SUGCT: variants seen among roughly 807,000 people sequenced by gnomAD.
SUGCT encodes the protein succinyl-CoA:glutarate-CoA transferase.
Under a neutral mutation model 55.0 loss-of-function variants are expected in SUGCT, and 41 were observed. That is an observed-to-expected ratio of 0.74 (90% CI 0.58 to 0.97). SUGCT has a LOEUF of 0.97. SUGCT is among the 50% of genes least tolerant of loss of function. The probability of loss-of-function intolerance (pLI) is 0.00; values close to 1 mark genes in which losing one functional copy is unlikely to be tolerated. For synonymous variants in SUGCT, 187 were observed against 200.4 expected (o/e 0.93, Z 0.56); for missense variants, 568 against 547.8 (o/e 1.04, Z -0.37).
At chr7:41,004,386 C>T in the SUGCT span, among the ~76,000 whole-genome samples, 6 of 152,146 alleles carry the variant, frequency 3.9e-5, no homozygotes, top group Non-Finnish European at 5.9e-5. Flanking sequence ...TGAAGGCAGG[C>T]GTATTGTTGT....
At chr7:40,141,672 T>C (rs1214849745) in intron 1 of SUGCT, among the ~76,000 whole-genome samples, 3 of 150,446 alleles carry the variant, frequency 2.0e-5, no homozygotes, top group African/African-American at 7.3e-5. Context: ...TCTTATCACA[T>C]TTACAGGTAA....
At chr7:40,213,301 C>G (rs1787449127) in intron 6 of SUGCT, among the ~76,000 whole-genome samples, 1 of 152,080 alleles carries the variant, frequency 6.6e-6, no homozygotes, top group Non-Finnish European at 1.5e-5. Context: ...TCAGTCTTTC[C>G]TTGTTTTTTT....
intron 12 of SUGCT, among the ~76,000 whole-genome samples, chr7:40,497,639 A>G (rs1436721455): frequency 6.6e-6 from 1 of 152,184 alleles, no homozygotes; most frequent in Non-Finnish European, 1.5e-5. Flanking sequence ...ATAGTAGACC[A>G]GGGGACTGTT....
chr7:41,020,612 T>G, the SUGCT span, among the ~76,000 whole-genome samples: 1 of 152,188 alleles, frequency 6.6e-6, no homozygotes, highest in South Asian at 2.1e-4. Flanking sequence ...TTAAGGAAAT[T>G]CAATGTTTTA....
intron 10 of SUGCT, among the ~76,000 whole-genome samples, chr7:40,451,481 A>T (rs1789187860): frequency 6.6e-6 from 1 of 152,186 alleles, no homozygotes. Flanking sequence ...GTTATAAGAC[A>T]TTGCTTATAA....
At chr7:40,566,637 AC>A (rs1796170856) in intron 12 of SUGCT, among the ~76,000 whole-genome samples, 2 of 152,216 alleles carry the variant, frequency 1.3e-5, no homozygotes, top group Non-Finnish European at 2.9e-5. Context: ...ATGTTAAAAA[AC>A]ATCATGCATA....
chr7:40,878,797 T>G, the SUGCT span, among the ~76,000 whole-genome samples: 1 of 144,614 alleles, frequency 6.9e-6, no homozygotes, highest in Non-Finnish European at 1.5e-5. Flanking sequence ...TTCTCAAACT[T>G]TTTTTTTTTT....
chr7:40,604,921 C>T (rs562896257), intron 12 of SUGCT, among the ~76,000 whole-genome samples: 4 of 152,338 alleles, frequency 2.6e-5, no homozygotes, highest in South Asian at 4.1e-4. Flanking sequence ...GAGGTCAGCA[C>T]GCTGACCCGG....
chr7:40,454,567 A>G (rs984653), intron 10 of SUGCT, among the ~76,000 whole-genome samples: 6,224 of 152,212 alleles, frequency 0.041, 397 homozygotes, highest in African/African-American at 0.14. Flanking sequence ...ACTATAGGCA[A>G]TTGTAACACA....
intron 12 of SUGCT, among the ~76,000 whole-genome samples, chr7:40,591,545 C>A (rs1797718594): frequency 6.6e-6 from 1 of 152,110 alleles, no homozygotes; most frequent in Non-Finnish European, 1.5e-5. Flanking sequence ...GAATTGATGC[C>A]AATTTTGAAA....
At chr7:40,783,109 T>C (rs1447897743) in intron 13 of SUGCT, among the ~76,000 whole-genome samples, 1 of 152,166 alleles carries the variant, frequency 6.6e-6, no homozygotes, top group African/African-American at 2.4e-5. Flanking sequence ...CGTCAGTCAC[T>C]AGTGAGACAC....
intron 12 of SUGCT, among the ~76,000 whole-genome samples, chr7:40,713,137 G>C (rs568755767): frequency 6.6e-6 from 1 of 152,186 alleles, no homozygotes; most frequent in Non-Finnish European, 1.5e-5. Context: ...CCAGTTACCT[G>C]TCAGGAAAGG....
At chr7:40,376,409 A>G (rs191888082) in intron 9 of SUGCT, among the ~76,000 whole-genome samples, 24 of 143,242 alleles carry the variant, frequency 1.7e-4, no homozygotes, top group Admixed American at 1.3e-3. Flanking sequence ...TTTTTTTTTG[A>G]GCTGGAGTCT....
intron 9 of SUGCT, among the ~76,000 whole-genome samples, chr7:40,436,976 G>A (rs1202751599): frequency 6.6e-6 from 1 of 152,120 alleles, no homozygotes; most frequent in African/African-American, 2.4e-5. Flanking sequence ...ATCTGGCTTA[G>A]CATTCTTTAT....
chr7:40,785,189 A>G (rs1789951881), intron 13 of SUGCT: 1 of 152,194 alleles, frequency 6.6e-6, no homozygotes, highest in African/African-American at 2.4e-5. Flanking sequence ...ATTAGGGAGA[A>G]TAAGCTGCTG....
intron 4 of SUGCT, among the ~76,000 whole-genome samples, chr7:40,189,233 T>C (rs1785733011): frequency 6.6e-6 from 1 of 152,006 alleles, no homozygotes; most frequent in Non-Finnish European, 1.5e-5. Flanking sequence ...TCCCAGCTAC[T>C]TGGGAGGCTG....
chr7:40,408,109 A>G (rs1786481151), intron 9 of SUGCT, among the ~76,000 whole-genome samples: 1 of 152,186 alleles, frequency 6.6e-6, no homozygotes, highest in Non-Finnish European at 1.5e-5. Flanking sequence ...CAGTATTGCT[A>G]GAGCATTTCT....
chr7:40,515,153 A>G (rs1793166008), intron 12 of SUGCT, among the ~76,000 whole-genome samples: 1 of 152,154 alleles, frequency 6.6e-6, no homozygotes, highest in African/African-American at 2.4e-5. Context: ...CTGTTCCATC[A>G]GGGCAAAGAT....
intron 9 of SUGCT, among the ~76,000 whole-genome samples, chr7:40,402,894 A>G (rs1218838710): frequency 1.3e-5 from 2 of 152,200 alleles, no homozygotes; most frequent in Non-Finnish European, 2.9e-5. Flanking sequence ...TTTAGTGATG[A>G]GGACTACTGT....
Sources: allele counts gnomAD v4.1 joint callset (sites outside exome capture counted in the v4.1 genomes callset), GRCh38; gene constraint gnomAD v4.1.1; transcripts MANE v1.5; gene names NCBI Gene and HGNC (gene_info 2026-07-23, HGNC 2026-07-21).